INVS: variants seen among roughly 807,000 people sequenced by gnomAD.
The protein encoded by INVS is inversin.
INVS carries 86 observed loss-of-function variants against 108.8 expected under a neutral mutation model. That is an observed-to-expected ratio of 0.79 (90% CI 0.66 to 0.95). The LOEUF (loss-of-function observed/expected upper bound fraction) is 0.95. INVS is among the 40% of genes least tolerant of loss of function. INVS has a pLI of 0.00. For synonymous variants in INVS, 455 were observed against 473.5 expected, an observed-to-expected ratio of 0.96 and a Z score of 0.51; for missense variants, 1,169 against 1,297.4, an observed-to-expected ratio of 0.90 and a Z score of 1.52.
chr9:100,273,557 G>A (rs1400547748), intron 12 of INVS, among the ~76,000 whole-genome samples: 1 of 63,046 alleles, frequency 1.6e-5, no homozygotes, highest in African/African-American at 6.8e-5. Context: ...TTTTTTTTCT[G>A]AGATGGAGTC....
intron 11 of INVS, among the ~76,000 whole-genome samples, chr9:100,269,364 T>C (rs1832882340): frequency 6.8e-6 from 1 of 146,040 alleles, no homozygotes; most frequent in South Asian, 2.1e-4. Context: ...TTAGAACTTG[T>C]AGCAAAATTT....
chr9:100,108,462 A>G (rs147017474), intron 2 of INVS, among the ~76,000 whole-genome samples: 1 of 152,330 alleles, frequency 6.6e-6, no homozygotes, highest in African/African-American at 2.4e-5. Context: ...GTGCAAAAAT[A>G]ATAACTGTTT....
intron 10 of INVS, among the ~76,000 whole-genome samples, chr9:100,259,221 A>T (rs1450872300): frequency 6.6e-6 from 1 of 152,186 alleles, no homozygotes. Context: ...CCTCTGAGCC[A>T]GGTGTGGGAT....
At position 100,240,210 on chromosome 9, in the gene INVS, C is replaced by T. The variant is rs1369878554; in HGVS notation, c.766C>T (p.Arg256Ter). 8 of 1,613,920 alleles carry T rather than the reference C, an allele frequency of 5.0e-6. No homozygotes were observed. The highest frequency in any genetic ancestry group is 2.2e-5 in the East Asian group (1 of 44,876). ...CNITSYDNLF[R>*]TPLHWAALLG... ...TATAACGTCTTATGATAACTTATTT[C>T]GAACCCCACTGCACTGGGCAGCTTT... The change falls in exon 6 of 17, where the codon CGA becomes TGA. Residue 256 changes from arginine (R) to a stop codon, truncating the protein, a stop_gained. Coordinates refer to ENST00000262457, the MANE Select transcript of INVS (RefSeq NM_014425.5). LOFTEE classifies it high-confidence loss of function.
intron 3 of INVS, among the ~76,000 whole-genome samples, chr9:100,152,519 A>G (rs1012393854): frequency 3.3e-5 from 5 of 152,212 alleles, no homozygotes; most frequent in African/African-American, 1.2e-4. Flanking sequence ...TGTCGTCAGT[A>G]TTAACTCAGC....
chr9:100,292,841 C>A lies in INVS; in HGVS notation c.2584C>A (p.Leu862Met). ...GGAGTTGAGGTCAGGAGCTAGGAGG[C>A]TGGAGACATCTACCCTGTCCGAGGA... The part of the protein sequence containing the change: ...TEELRSGARR[L>M]ETSTLSEDFQ... The change falls in exon 14 of 17, where the codon CTG becomes ATG. Residue 862 changes from leucine (L) to methionine (M), a missense_variant. This residue lies in a region of INVS where 533 missense variants were observed against 536.0 expected (regional missense o/e 0.99). Coordinates refer to ENST00000262457, the MANE Select transcript of INVS (RefSeq NM_014425.5). The A allele has an allele frequency of 6.2e-7, 1 of 1,614,152 alleles. No homozygotes were observed. The highest frequency in any genetic ancestry group is 8.5e-7 in the Non-Finnish European group (1 of 1,180,034).
rs200844390 is a variant in INVS, at chr9:100,292,952, C to T, written c.2695C>T (p.Arg899Ter). ...VNIDLLPVEL[R>*]LQIIQRERRR... Reference sequence around the variant, plus strand: ...TATTGACCTTCTCCCCGTAGAGCTCCGACTGCAGATAATTCAGAGAGAACG... The same window carrying T: ...TATTGACCTTCTCCCCGTAGAGCTCTGACTGCAGATAATTCAGAGAGAACG... The change falls in exon 14 of 17, where the codon CGA becomes TGA. Residue 899 changes from arginine (R) to a stop codon, truncating the protein, a stop_gained. Coordinates refer to ENST00000262457, the MANE Select transcript of INVS (RefSeq NM_014425.5). LOFTEE classifies it high-confidence loss of function. 153 of 1,612,784 alleles carry T rather than the reference C, an allele frequency of 9.5e-5. No homozygotes were observed. The highest frequency in any genetic ancestry group is 1.2e-4 in the Non-Finnish European group (145 of 1,178,976).
At position 100,301,308 on chromosome 9, in the gene INVS, A is replaced by G. The variant is rs1833964175; in HGVS notation, c.*634A>G. On this transcript the variant is annotated 3_prime_UTR_variant, in exon 17 of 17. Coordinates refer to ENST00000262457, the MANE Select transcript of INVS (RefSeq NM_014425.5). ...ATTCTGGTGATTCCTTACATTTTAC[A>G]GTTCCTACGTTAGCCTCTCAAGGCC... 6.6e-6 allele frequency among the ~76,000 whole-genome samples: 1 copy of G among 152,204 alleles called. No homozygotes were observed. The highest frequency in any genetic ancestry group is 1.5e-5 in the Non-Finnish European group (1 of 68,038).
intron 3 of INVS, among the ~76,000 whole-genome samples, chr9:100,132,241 GAATGAAT>G (rs1828076158): frequency 6.6e-6 from 1 of 151,972 alleles, no homozygotes; most frequent in Non-Finnish European, 1.5e-5. Flanking sequence ...ATGAATGAAT[GAATGAAT>G]GAATGAATGA....
intron 8 of INVS, among the ~76,000 whole-genome samples, chr9:100,251,041 C>T (rs1298213550): frequency 6.6e-6 from 1 of 152,178 alleles, no homozygotes; most frequent in African/African-American, 2.4e-5. Context: ...TAAATGTCAG[C>T]TCATAACCAC....
At chr9:100,114,365 A>G (rs1827440214) in intron 2 of INVS, among the ~76,000 whole-genome samples, 1 of 138,420 alleles carries the variant, frequency 7.2e-6, no homozygotes, top group Admixed American at 7.1e-5. Context: ...CACATGATAT[A>G]TATGCCCTTT....
At chr9:100,252,161 T>C in intron 8 of INVS, 122 bp from the exon 9 acceptor site, 1 of 1,152,020 alleles carries the variant, frequency 8.7e-7, no homozygotes, top group South Asian at 1.3e-5. Flanking sequence ...TAGTGAATCC[T>C]TAAAATGGAG....
intron 3 of INVS, chr9:100,175,377 G>C (rs1278659872): frequency 5.0e-6 from 4 of 798,214 alleles, no homozygotes; most frequent in Non-Finnish European, 8.9e-6. Flanking sequence ...ACTCACTTCT[G>C]CAGAGAAGAG....
chr9:100,186,345 G>T (rs778097796), intron 3 of INVS, among the ~76,000 whole-genome samples: 1 of 151,976 alleles, frequency 6.6e-6, no homozygotes, highest in Non-Finnish European at 1.5e-5. Flanking sequence ...TAGAGACGGG[G>T]TTTCACCATC....
At chr9:100,172,418 A>T (rs530228530) in intron 3 of INVS, among the ~76,000 whole-genome samples, 61 of 152,192 alleles carry the variant, frequency 4.0e-4, no homozygotes, top group Middle Eastern at 3.2e-3. Context: ...TTAATATCTA[A>T]CATACTTGGA....
chr9:100,175,635 A>T, intron 3 of INVS: 2 of 665,054 alleles, frequency 3.0e-6, no homozygotes, highest in Non-Finnish European at 5.7e-6. Context: ...CAATGGTGTG[A>T]CTCCAAAGGC....
At chr9:100,270,613 T>G (rs1388057367) in intron 11 of INVS, among the ~76,000 whole-genome samples, 1 of 151,976 alleles carries the variant, frequency 6.6e-6, no homozygotes, top group Admixed American at 6.6e-5. Context: ...CCGGGTGTGA[T>G]GGCATGTGCC....
At chr9:100,164,966 C>T (rs1346893337) in intron 3 of INVS, among the ~76,000 whole-genome samples, 1 of 144,668 alleles carries the variant, frequency 6.9e-6, no homozygotes, top group Non-Finnish European at 1.5e-5. Context: ...ATGTCTTAGT[C>T]TAGACTGATT....
chr9:100,299,635 GACACACACACACACACACACACAC>G lies in INVS; in HGVS notation c.3092-910_3092-887del, dbSNP rs10530240. ...AAGAATCTCAGCAGAGCCTTTTATT[GACACACACACACACACACACACAC>G]ACACACACACACACACACACACCTG... On this transcript the variant is annotated intron_variant, in intron 16 of 16. Coordinates refer to ENST00000262457, the MANE Select transcript of INVS (RefSeq NM_014425.5). Among the ~76,000 whole-genome samples, 99 of 132,356 alleles carry G rather than the reference GACACACACACACACACACACACAC, an allele frequency of 7.5e-4. 1 individual carries two copies. Among genetic ancestry groups the G allele is most frequent in the South Asian group, 1.7e-3 (7 of 4,066 alleles). The allele number at this position is 132,356 out of a possible 152,430, so 86.8% of individuals were successfully genotyped here.
Sources: allele counts gnomAD v4.1 joint callset (sites outside exome capture counted in the v4.1 genomes callset), GRCh38; gene constraint gnomAD v4.1.1; regional missense constraint gnomAD v4.1.1; transcripts MANE v1.5; gene names NCBI Gene and HGNC (gene_info 2026-07-23, HGNC 2026-07-21).